RNF144A: variants seen among roughly 807,000 people sequenced by gnomAD.
RNF144A encodes ring finger protein 144A.
RNF144A carries 11 observed loss-of-function variants against 38.7 expected under a neutral mutation model. That is an observed-to-expected ratio of 0.28 (90% CI 0.18 to 0.47). RNF144A has a LOEUF of 0.47. RNF144A is among the 20% of genes least tolerant of loss of function. The pLI, the probability that RNF144A is intolerant of heterozygous loss-of-function variation, is 0.99. For missense variants in RNF144A, 316 were observed against 377.2 expected (o/e 0.84, Z 1.34); for synonymous variants, 149 against 143.9 (o/e 1.04, Z -0.25).
chr2:6,924,788 T>C (rs1664757614), intron 1 of RNF144A, among the ~76,000 whole-genome samples: 1 of 152,256 alleles, frequency 6.6e-6, no homozygotes, highest in African/African-American at 2.4e-5. Context: ...CTGTGAAGTG[T>C]GTGAGGAGCC....
chr2:7,059,203 C>A (rs1198744018), intron 6 of RNF144A, among the ~76,000 whole-genome samples: 2 of 151,926 alleles, frequency 1.3e-5, no homozygotes, highest in Non-Finnish European at 1.5e-5. Flanking sequence ...AAAAATTAGC[C>A]AGGCATGGTG....
chr2:7,041,187 A>G lies in RNF144A; in HGVS notation c.*1427A>G. 7 of 982,992 alleles carry G rather than the reference A, an allele frequency of 7.1e-6. No individual in the cohort carries two copies. Among genetic ancestry groups the G allele is most frequent in the Non-Finnish European group, 8.5e-6 (7 of 827,664 alleles). 60.9% of individuals were successfully genotyped at this position (982,992 alleles called of 1,614,324 possible). A position where few individuals can be genotyped will look rare whatever the true frequency, so the allele number is the denominator to read the frequency against. ...AATCTTGTTAAACATTCTATAAAGA[A>G]GTAAAACAAAATCCTTTTATCTCAG... On this transcript the variant is annotated 3_prime_UTR_variant, in exon 9 of 9. Transcript: ENST00000320892.
At position 7,029,239 on chromosome 2, in the gene RNF144A, C is replaced by T. The variant is rs973433811; in HGVS notation, c.658-887C>T. On this transcript the variant is annotated intron_variant, in intron 7 of 8. Coordinates refer to ENST00000320892, the MANE Select transcript of RNF144A (RefSeq NM_014746.6). ...TGCCCCTCCGTGGCACCATGTGCCT[C>T]GTCATTTCCTTCATTGATCAGGATT... is the stretch of plus-strand genomic sequence containing the variant. Among the ~76,000 whole-genome samples, 16 of 152,242 alleles carry T rather than the reference C, an allele frequency of 1.1e-4. No individual in the cohort carries two copies. The East Asian group carries it at 1.2e-3, about 11-fold the overall frequency.
Position 7,032,226 on chromosome 2 carries a change from G to T in RNF144A, c.747+2011G>T, listed in dbSNP as rs544970263. Among the ~76,000 whole-genome samples, 332 of 151,590 alleles carry T rather than the reference G, an allele frequency of 2.2e-3. 1 individual carries two copies. Among genetic ancestry groups the T allele is most frequent in the Middle Eastern group, 0.017 (5 of 292 alleles). ...AGCTCTGCTGGAATCCGCGCCCCTT[G>T]CAGCTCTGCTGGAATCCGCGCCCCT... is the stretch of plus-strand genomic sequence containing the variant. On this transcript the variant is annotated intron_variant, in intron 8 of 8. Coordinates refer to ENST00000320892, the MANE Select transcript of RNF144A (RefSeq NM_014746.6).
downstream of RNF144A, chr2:7,068,299 T>C (rs1558474075): frequency 1.6e-6 from 2 of 1,237,724 alleles, no homozygotes; most frequent in Non-Finnish European, 2.2e-6. Context: ...TATAACACAT[T>C]TTAAAGATAA....
chr2:6,938,393 G>A lies in RNF144A; in HGVS notation c.-211-2555G>A, dbSNP rs1572220929. Among the ~76,000 whole-genome samples, 5 of 151,696 alleles carry A rather than the reference G, an allele frequency of 3.3e-5. 1 individual carries two copies. The South Asian group carries it at 1.0e-3, about 32-fold the overall frequency. ...CTCCCATGTAGCTGGGATTACAGGT[G>A]CCCGCCACCACACCCAGCTAATTTT... On this transcript the variant is annotated intron_variant, in intron 1 of 8. Transcript: ENST00000320892.
chr2:7,028,558 G>A lies in RNF144A; in HGVS notation c.658-1568G>A, dbSNP rs763841195. Among the ~76,000 whole-genome samples the A allele has an allele frequency of 6.6e-4, 100 of 152,310 alleles. 1 individual carries two copies. Among genetic ancestry groups the A allele is most frequent in the Middle Eastern group, 3.4e-3 (1 of 294 alleles). On this transcript the variant is annotated intron_variant, in intron 7 of 8. Coordinates refer to ENST00000320892, the MANE Select transcript of RNF144A (RefSeq NM_014746.6). The stretch of plus-strand genomic sequence containing the variant: ...GGGTAGTACACAGGATTTGGTTTGC[G>A]TTTCAGAAAACAAATTCAAAAACGT...
intron 1 of RNF144A, among the ~76,000 whole-genome samples, chr2:6,938,630 G>T (rs2103293010): frequency 6.6e-6 from 1 of 152,180 alleles, no homozygotes; most frequent in African/African-American, 2.4e-5. Context: ...ACCATTCTGT[G>T]GTTTTTAGTA....
At position 7,022,320 on chromosome 2, in the gene RNF144A, C is replaced by T. The variant is rs76331264; in HGVS notation, c.509+1640C>T. On this transcript the variant is annotated intron_variant, in intron 6 of 8. Transcript: ENST00000320892. Reference sequence around the variant, plus strand: ...CCACTTCACTCATTAGCATCACCTGCGCACCTCTTCAAGCTGCTGGGCCAC... The same window carrying T: ...CCACTTCACTCATTAGCATCACCTGTGCACCTCTTCAAGCTGCTGGGCCAC... 5.4e-4 allele frequency among the ~76,000 whole-genome samples: 83 copies of T among 152,348 alleles called. 1 individual carries two copies. The highest frequency in any genetic ancestry group is 1.9e-3 in the African/African-American group (77 of 41,580).
At chr2:7,035,529 G>A (rs1672615372) in intron 8 of RNF144A, among the ~76,000 whole-genome samples, 1 of 152,196 alleles carries the variant, frequency 6.6e-6, no homozygotes, top group Admixed American at 6.5e-5. Flanking sequence ...CTGTGGGTTA[G>A]AACTTCTTGC....
rs553910849 is a variant in RNF144A, at chr2:6,958,681, C to T, written c.-12+17534C>T. Among the ~76,000 whole-genome samples the T allele has an allele frequency of 8.5e-4, 129 of 152,258 alleles. No homozygotes were observed. The highest frequency in any genetic ancestry group is 3.0e-3 in the Admixed American group (46 of 15,300). ...GTTCATGATTCTGGGGGACTGTCCACGTGACCGTAATCTATTTCCCAGAGG... is the reference window on the plus strand; with the variant it reads ...GTTCATGATTCTGGGGGACTGTCCATGTGACCGTAATCTATTTCCCAGAGG... On this transcript the variant is annotated intron_variant, in intron 2 of 8. Coordinates refer to ENST00000320892, the MANE Select transcript of RNF144A (RefSeq NM_014746.6). The surrounding 1 kb of genome is among the most constrained non-coding windows in gnomAD (Gnocchi z 4.5).
chr2:7,012,815 G>A (rs1006836086), intron 3 of RNF144A, among the ~76,000 whole-genome samples: 3 of 152,230 alleles, frequency 2.0e-5, no homozygotes, highest in Middle Eastern at 3.4e-3. Flanking sequence ...GCCTGGGGTC[G>A]TCCATACTCA....
chr2:6,934,660 C>A (rs1240111728), intron 1 of RNF144A, among the ~76,000 whole-genome samples: 1 of 152,042 alleles, frequency 6.6e-6, no homozygotes, highest in Non-Finnish European at 1.5e-5. Flanking sequence ...ATTTTTTCCC[C>A]ACCTATAGCT....
chr2:7,042,094 C>T lies in RNF144A; in HGVS notation c.*2334C>T. 6.1e-6 allele frequency: 6 copies of T among 985,344 alleles called. No individual in the cohort carries two copies. Among genetic ancestry groups the T allele is most frequent in the Non-Finnish European group, 7.2e-6 (6 of 829,888 alleles). 61.0% of individuals were successfully genotyped at this position (985,344 alleles called of 1,614,324 possible). On this transcript the variant is annotated 3_prime_UTR_variant, in exon 9 of 9. Transcript: ENST00000320892. ...TGTATGAAGCATGCCTCAGTTTCCT[C>T]ATTTTGATCTAGATATAAAATTAAA...
chr2:6,996,798 C>T (rs1669774040), intron 2 of RNF144A, 118 bp from the exon 3 acceptor site: 2 of 977,000 alleles, frequency 2.0e-6, no homozygotes, highest in Non-Finnish European at 3.0e-6. Context: ...CTCTAGGCTC[C>T]ATCAGCAGTC....
intron 2 of RNF144A, among the ~76,000 whole-genome samples, chr2:6,978,381 G>A (rs543957646): frequency 6.0e-4 from 92 of 152,284 alleles, no homozygotes; most frequent in African/African-American, 2.0e-3. Context: ...TCCTTCCTGG[G>A]AACAGACTTC....
intron 2 of RNF144A, among the ~76,000 whole-genome samples, chr2:6,985,584 T>C (rs1572338539): frequency 6.6e-6 from 1 of 152,152 alleles, no homozygotes; most frequent in South Asian, 2.1e-4. Context: ...GTTCAGATGG[T>C]TTAATAGACG....
chr2:6,959,046 A>G (rs555158257), intron 2 of RNF144A, among the ~76,000 whole-genome samples: 1 of 152,264 alleles, frequency 6.6e-6, no homozygotes, highest in South Asian at 2.1e-4. Flanking sequence ...AGAACACGTG[A>G]TGCTCCTGGC....
chr2:7,074,403 A>G, the RNF144A span: 1 of 152,228 alleles, frequency 6.6e-6, no homozygotes, highest in Non-Finnish European at 1.5e-5. Context: ...ACCAAATGTA[A>G]TCTTAATATA....
Sources: gnomAD v4.1 joint callset for allele counts (sites outside exome capture counted in the v4.1 genomes callset) on GRCh38, gnomAD v4.1.1 for gene constraint, Gnocchi (gnomAD v3.1) non-coding constraint, MANE v1.5 for transcripts, NCBI Gene and HGNC (gene_info 2026-07-23, HGNC 2026-07-21) for gene names.